Variants in ELOVL7 observed in about 807,000 individuals in gnomAD.
ELOVL7 encodes very long chain fatty acid elongase 7.
A neutral mutation model predicts 35.7 loss-of-function variants in ELOVL7; 27 were observed. That is an observed-to-expected ratio of 0.76 (90% CI 0.56 to 1.04). ELOVL7 has a LOEUF of 1.04. Ranked by LOEUF, ELOVL7 falls within the 50% of genes least tolerant of loss-of-function variation. The probability of loss-of-function intolerance (pLI) is 0.00; values close to 1 mark genes in which losing one functional copy is unlikely to be tolerated. For missense variants in ELOVL7, 327 were observed against 340.8 expected, an observed-to-expected ratio of 0.96 and a Z score of 0.32; for synonymous variants, 113 against 114.6, an observed-to-expected ratio of 0.99 and a Z score of 0.09.
intron 1 of ELOVL7, among the ~76,000 whole-genome samples, chr5:60,813,429 T>C (rs975661281): frequency 3.9e-5 from 6 of 152,124 alleles, no homozygotes; most frequent in African/African-American, 1.4e-4. Flanking sequence ...AGTCCTAAAA[T>C]ACCACTTTCA....
chr5:60,832,589 C>T (rs1477755998), intron 1 of ELOVL7, among the ~76,000 whole-genome samples: 1 of 152,200 alleles, frequency 6.6e-6, no homozygotes, highest in Non-Finnish European at 1.5e-5. Flanking sequence ...TGGTCTTGAC[C>T]TCTTGACCTT....
At chr5:60,818,107 C>G (rs1194188354) in intron 1 of ELOVL7, among the ~76,000 whole-genome samples, 1 of 151,700 alleles carries the variant, frequency 6.6e-6, no homozygotes, top group African/African-American at 2.4e-5. Flanking sequence ...CACTTGAGGT[C>G]AGGAGTTCGA....
rs1025914647 is a variant in ELOVL7, at chr5:60,751,819, T to C, written c.*2805A>G. ...ATGCAATACCACAAATTTATTATAA[T>C]ACACAGGGAAAAACAAACTCAAACT... On this transcript the variant is annotated 3_prime_UTR_variant, in exon 9 of 9. Transcript: ENST00000508821. The C allele has an allele frequency of 5.9e-5, 9 of 152,244 alleles. No individual in the cohort carries two copies. The South Asian group carries it at 1.9e-3, about 32-fold the overall frequency. The allele number at this position is 152,244 out of a possible 1,614,324, so 9.4% of individuals were successfully genotyped here. A position where few individuals can be genotyped will look rare whatever the true frequency, so the allele number is the denominator to read the frequency against.
chr5:60,823,536 G>A (rs1391304781), intron 1 of ELOVL7, among the ~76,000 whole-genome samples: 2 of 152,104 alleles, frequency 1.3e-5, no homozygotes, highest in African/African-American at 4.8e-5. Flanking sequence ...TGACTAAATG[G>A]GGACTAAAAA....
At chr5:60,805,351 A>G (rs1375701566) in intron 1 of ELOVL7, among the ~76,000 whole-genome samples, 2 of 152,226 alleles carry the variant, frequency 1.3e-5, no homozygotes, top group Non-Finnish European at 2.9e-5. Flanking sequence ...ACTTGGTAAC[A>G]TACAGGGCTA....
intron 5 of ELOVL7, 119 bp downstream of exon 5, chr5:60,767,704 C>T: frequency 1.7e-6 from 1 of 599,218 alleles, no homozygotes. Context: ...TCCACCACAA[C>T]ACACACAATC....
At position 60,764,301 on chromosome 5, in the gene ELOVL7, T is replaced by G; in HGVS notation, c.425A>C (p.Gln142Pro). ...IFFVLRKKNS[Q>P]VTFLHVFHHT... ...ATGGAATACATGAAGGAAAGTCACT[T>G]GGCTATTTTTCTTGCGCAGAACAAA... Residue 142 changes from glutamine to proline, a missense_variant, in exon 7 of 9, where the codon CAA becomes CCA. Gln to Pro is a moderately conservative substitution (Grantham distance 76). Transcript: ENST00000508821. The G allele has an allele frequency of 6.2e-7, 1 of 1,613,666 alleles. No individual in the cohort carries two copies. The highest frequency in any genetic ancestry group is 1.1e-5 in the South Asian group (1 of 91,058).
intron 1 of ELOVL7, among the ~76,000 whole-genome samples, chr5:60,803,610 C>T (rs1025784795): frequency 2.6e-5 from 4 of 152,186 alleles, no homozygotes; most frequent in African/African-American, 9.7e-5. Flanking sequence ...ATACCCATAA[C>T]ACACTATAAA....
At position 60,764,370 on chromosome 5, in the gene ELOVL7, C is replaced by A. The variant is rs757872573; in HGVS notation, c.394-38G>T. On this transcript the variant is annotated intron_variant, in intron 6 of 8. Transcript: ENST00000508821. ...AAAGAATATCAAGTTCACAGAAAAT[C>A]ATTTGATAGTGTATTGAGTATTATA... 3.5e-6 allele frequency: 5 copies of A among 1,444,656 alleles called. No homozygotes were observed. In the South Asian group the frequency reaches 4.6e-5, roughly 13 times the overall value. 89.5% of individuals were successfully genotyped at this position (1,444,656 alleles called of 1,614,324 possible). A position where few individuals can be genotyped will look rare whatever the true frequency, so the allele number is the denominator to read the frequency against.
At chr5:60,800,873 G>A (rs1031190970) in intron 1 of ELOVL7, among the ~76,000 whole-genome samples, 1 of 152,110 alleles carries the variant, frequency 6.6e-6, no homozygotes, top group Non-Finnish European at 1.5e-5. Flanking sequence ...CCTCAGTTAT[G>A]GAAGGTCAAC....
intron 8 of ELOVL7, among the ~76,000 whole-genome samples, chr5:60,755,053 G>A (rs375993556): frequency 2.4e-4 from 36 of 152,156 alleles, no homozygotes; most frequent in African/African-American, 7.0e-4. Context: ...TTGCACAACC[G>A]CAGGGTCTAT....
chr5:60,766,918 T>C (rs4527549), intron 5 of ELOVL7, among the ~76,000 whole-genome samples: 99,177 of 152,048 alleles, frequency 0.65, 33,956 homozygotes, highest in African/African-American at 0.87. Flanking sequence ...AATTTGACTA[T>C]GCTAGGCACC....
intron 1 of ELOVL7, among the ~76,000 whole-genome samples, chr5:60,833,091 G>A (rs1231742085): frequency 6.6e-6 from 1 of 152,178 alleles, no homozygotes; most frequent in African/African-American, 2.4e-5. Context: ...GACAAAGATG[G>A]AGGGGGGCAA....
chr5:60,800,574 C>A (rs149923935), intron 1 of ELOVL7, among the ~76,000 whole-genome samples: 107 of 152,312 alleles, frequency 7.0e-4, no homozygotes, highest in African/African-American at 2.3e-3. Flanking sequence ...TGCCCACTCT[C>A]ACCACTTTTT....
chr5:60,790,925 C>G (rs1260512736), intron 2 of ELOVL7, among the ~76,000 whole-genome samples: 3 of 152,158 alleles, frequency 2.0e-5, no homozygotes, highest in Non-Finnish European at 2.9e-5. Context: ...AGCATTCAAT[C>G]AAACTTATCC....
chr5:60,807,487 C>A (rs1744996390), intron 1 of ELOVL7, among the ~76,000 whole-genome samples: 2 of 149,092 alleles, frequency 1.3e-5, no homozygotes, highest in African/African-American at 2.5e-5. Context: ...TGTATCAGAC[C>A]AAGTATGTGG....
At chr5:60,773,549 C>A (rs147886303) in intron 3 of ELOVL7, among the ~76,000 whole-genome samples, 1 of 151,946 alleles carries the variant, frequency 6.6e-6, no homozygotes, top group Admixed American at 6.6e-5. Flanking sequence ...CTGGCAGAGG[C>A]CCCTCTCAAA....
At chr5:60,795,518 C>T (rs1408938657) in intron 2 of ELOVL7, among the ~76,000 whole-genome samples, 1 of 152,158 alleles carries the variant, frequency 6.6e-6, no homozygotes, top group Non-Finnish European at 1.5e-5. Flanking sequence ...GGGTACCCTC[C>T]CATTGTATGG....
chr5:60,804,816 C>T (rs932198731), intron 1 of ELOVL7, among the ~76,000 whole-genome samples: 1 of 152,210 alleles, frequency 6.6e-6, no homozygotes, highest in Non-Finnish European at 1.5e-5. Flanking sequence ...ATACAAAATA[C>T]TCCTCTCATT....
Sources: gnomAD v4.1 joint callset for allele counts (sites outside exome capture counted in the v4.1 genomes callset) on GRCh38, gnomAD v4.1.1 for gene constraint, MANE v1.5 for transcripts, NCBI Gene and HGNC (gene_info 2026-07-23, HGNC 2026-07-21) for gene names.